The following TXNRD2 variants were observed in gnomAD, a reference collection of about 807,000 sequenced individuals.
The protein encoded by TXNRD2 is thioredoxin reductase 2, also known as thioredoxin reductase 2, mitochondrial.
A neutral mutation model predicts 70.8 loss-of-function variants in TXNRD2; 67 were observed. The observed-to-expected ratio is 0.95, with a 90% CI of 0.78 to 1.16. The LOEUF (loss-of-function observed/expected upper bound fraction) is 1.16, where lower values mean the gene tolerates loss of function less well. Ranked by LOEUF, TXNRD2 falls within the 50% of genes most tolerant of loss-of-function variation. The pLI is 0.00. For missense variants in TXNRD2, 644 were observed against 719.9 expected, an observed-to-expected ratio of 0.89 and a Z score of 1.21; for synonymous variants, 301 against 295.8, an observed-to-expected ratio of 1.02 and a Z score of -0.18.
intron 8 of TXNRD2, among the ~76,000 whole-genome samples, chr22:19,905,394 G>A (rs7290255): frequency 0.1 from 15,413 of 152,082 alleles, 1,074 homozygotes; most frequent in Non-Finnish European, 0.15. Context: ...CAAAATATCT[G>A]GAGCTGTGTC....
intron 11 of TXNRD2, 58 bp downstream of exon 11, chr22:19,895,349 A>C: frequency 6.2e-7 from 1 of 1,611,314 alleles, no homozygotes; most frequent in Non-Finnish European, 8.5e-7. Context: ...TGGGGCAAAG[A>C]TTCTCCATGC....
Position 19,918,783 on chromosome 22 carries a change from C to G in TXNRD2, c.374+77G>C, listed in dbSNP as rs3747067. On this transcript the variant is annotated intron_variant, in intron 4 of 17. Transcript: ENST00000400521. ...CGGCCCACTCCCCATGAGGGCTCAT[C>G]GAGGATAAGCCTCCTCTTCCTCTTC... 859,281 of 1,571,380 alleles carry G rather than the reference C, an allele frequency of 0.55. 241,769 individuals carry two copies. Among genetic ancestry groups the G allele is most frequent in the East Asian group, 0.88 (39,301 of 44,732 alleles).
At chr22:19,928,117 A>T (rs1165111962) in intron 2 of TXNRD2, among the ~76,000 whole-genome samples, 3 of 151,146 alleles carry the variant, frequency 2.0e-5, no homozygotes, top group Non-Finnish European at 3.0e-5. Flanking sequence ...TTTTTAATAA[A>T]AAAAAAAAAC....
chr22:19,930,960 G>A, intron 2 of TXNRD2, 70 bp downstream of exon 2: 1 of 1,452,512 alleles, frequency 6.9e-7, no homozygotes, highest in Non-Finnish European at 9.7e-7. Context: ...GACGTTTTCT[G>A]GACAGCACCA....
chr22:19,876,174 G>A (rs189495053), intron 17 of TXNRD2: 84 of 152,382 alleles, frequency 5.5e-4, no homozygotes, highest in African/African-American at 1.9e-3. Flanking sequence ...AGAGCCCCTC[G>A]GCGCCATGCA....
intron 12 of TXNRD2, among the ~76,000 whole-genome samples, chr22:19,882,858 C>T (rs1457164062): frequency 6.6e-6 from 1 of 152,256 alleles, no homozygotes; most frequent in Non-Finnish European, 1.5e-5. Flanking sequence ...AAGGACCTGC[C>T]CCGGTGTGAT....
intron 1 of TXNRD2, chr22:19,933,335 T>C: frequency 1.4e-6 from 1 of 721,564 alleles, no homozygotes; most frequent in South Asian, 1.4e-5. Context: ...AGGGAGAAAA[T>C]GCCACCAGGT....
intron 1 of TXNRD2, among the ~76,000 whole-genome samples, chr22:19,936,049 C>T (rs1447022162): frequency 6.6e-6 from 1 of 152,142 alleles, no homozygotes; most frequent in Non-Finnish European, 1.5e-5. Context: ...AGTGGAAGAA[C>T]ACTGTCCTTG....
intron 8 of TXNRD2, among the ~76,000 whole-genome samples, chr22:19,904,211 G>A (rs1939904352): frequency 6.6e-6 from 1 of 152,014 alleles, no homozygotes; most frequent in Admixed American, 6.6e-5. Context: ...CCACCCACAA[G>A]CTCACACTGC....
At chr22:19,894,489 G>C (rs1939403962) in intron 11 of TXNRD2, 1 of 152,838 alleles carries the variant, frequency 6.5e-6, no homozygotes, top group African/African-American at 2.4e-5. Flanking sequence ...GCTTGGCTGG[G>C]CACAGTAGCT....
chr22:19,878,502 C>T (rs1938613361), intron 14 of TXNRD2, 65 bp from the exon 15 acceptor site: 12 of 1,413,190 alleles, frequency 8.5e-6, no homozygotes, highest in African/African-American at 1.4e-5. Flanking sequence ...ACCTGCAGCT[C>T]CCACAGGCTG....
intron 8 of TXNRD2, among the ~76,000 whole-genome samples, chr22:19,905,642 C>T (rs1939976946): frequency 6.6e-6 from 1 of 152,168 alleles, no homozygotes; most frequent in Non-Finnish European, 1.5e-5. Flanking sequence ...CATCCTGGGG[C>T]TGCCAGACAT....
chr22:19,913,963 C>T (rs953012152), intron 7 of TXNRD2, among the ~76,000 whole-genome samples: 33 of 152,190 alleles, frequency 2.2e-4, no homozygotes, highest in Non-Finnish European at 4.4e-4. Context: ...TAAGAGTCTA[C>T]AAAGTCAGTT....
At chr22:19,910,947 C>T (rs548062668) in intron 8 of TXNRD2, 10 of 283,160 alleles carry the variant, frequency 3.5e-5, no homozygotes, top group East Asian at 2.2e-4. Context: ...TGGTGGTGGG[C>T]GCCTGTAATT....
intron 1 of TXNRD2, among the ~76,000 whole-genome samples, chr22:19,932,016 C>T (rs922857152): frequency 2.0e-5 from 3 of 151,678 alleles, no homozygotes; most frequent in East Asian, 3.9e-4. Flanking sequence ...AAAAAATTAG[C>T]CGGGCATGGT....
chr22:19,898,418 G>C (rs1939616085), intron 9 of TXNRD2, among the ~76,000 whole-genome samples: 1 of 152,194 alleles, frequency 6.6e-6, no homozygotes, highest in Non-Finnish European at 1.5e-5. Context: ...AGTTGGGATG[G>C]AGAGGAGTGG....
chr22:19,927,642 A>C (rs1941197825), intron 2 of TXNRD2, among the ~76,000 whole-genome samples: 1 of 135,346 alleles, frequency 7.4e-6, no homozygotes, highest in South Asian at 2.5e-4. Context: ...AACACATGAG[A>C]CCTTGTCTCA....
intron 11 of TXNRD2, among the ~76,000 whole-genome samples, chr22:19,888,636 G>C (rs71312715): frequency 1.6e-4 from 24 of 152,342 alleles, no homozygotes; most frequent in African/African-American, 5.8e-4. Context: ...GCCTGAGGAC[G>C]AGGGTGTGGG....
rs115032472 is a variant in TXNRD2, at chr22:19,930,237, C to T, written c.172+793G>A. Among the ~76,000 whole-genome samples the T allele has an allele frequency of 5.1e-3, 779 of 152,296 alleles. 7 individuals are homozygous for T. Among genetic ancestry groups the T allele is most frequent in the African/African-American group, 0.018 (737 of 41,566 alleles). On this transcript the variant is annotated intron_variant, in intron 2 of 17. Transcript: ENST00000400521. ...TATGCTTCTAGAGCCCAATACTGGA[C>T]ATCAGAGAAGCACAGCTTCAGGGCC...
Sources: allele counts gnomAD v4.1 joint callset (sites outside exome capture counted in the v4.1 genomes callset), GRCh38; gene constraint gnomAD v4.1.1; transcripts MANE v1.5; gene names NCBI Gene and HGNC (gene_info 2026-07-23, HGNC 2026-07-21).